CMC1: variants seen among roughly 807,000 people sequenced by gnomAD.
CMC1 encodes the protein C-X9-C motif containing 1, also known as COX assembly mitochondrial protein homolog.
A neutral mutation model predicts 14.1 loss-of-function variants in CMC1; 14 were observed. The ratio of observed to expected loss-of-function variants is 0.99; its 90% CI spans 0.66 to 1.55. CMC1 has a LOEUF of 1.55. Ranked by LOEUF, CMC1 falls within the 40% of genes most tolerant of loss-of-function variation. The pLI, the probability that CMC1 is intolerant of heterozygous loss-of-function variation, is 0.00. For missense variants in CMC1, 127 were observed against 123.8 expected (o/e 1.03, Z -0.12); for synonymous variants, 50 against 38.4 (o/e 1.30, Z -1.12).
chr3:28,287,426 A>G (rs1701241892), intron 2 of CMC1, among the ~76,000 whole-genome samples: 1 of 152,178 alleles, frequency 6.6e-6, no homozygotes, highest in South Asian at 2.1e-4. Context: ...CTACTTTGTA[A>G]TTGCAGAGTT....
chr3:28,307,248 A>G (rs1033720452), intron 2 of CMC1, among the ~76,000 whole-genome samples: 4 of 152,188 alleles, frequency 2.6e-5, no homozygotes, highest in African/African-American at 7.2e-5. Context: ...GGATGAGAAT[A>G]CTATATTTCC....
At chr3:28,264,475 T>C (rs1034179699) in intron 2 of CMC1, among the ~76,000 whole-genome samples, 1 of 152,218 alleles carries the variant, frequency 6.6e-6, no homozygotes, top group Non-Finnish European at 1.5e-5. Flanking sequence ...AATAACTTAT[T>C]ATGACCTATT....
chr3:28,250,697 G>A lies in CMC1; in HGVS notation c.19+8885G>A, dbSNP rs111615765. On this transcript the variant is annotated intron_variant, in intron 1 of 3. Coordinates refer to ENST00000466830, the MANE Select transcript of CMC1 (RefSeq NM_182523.2). ...AATTTAAGTTGGAATTGAGCTGCTG[G>A]TGGGACTTAGAAACCACCAGTAGAT... Among the ~76,000 whole-genome samples the A allele has an allele frequency of 4.2e-3, 639 of 152,280 alleles. 9 individuals are homozygous for A. Among genetic ancestry groups the A allele is most frequent in the African/African-American group, 0.015 (617 of 41,548 alleles).
chr3:28,302,468 T>C (rs543551362), intron 2 of CMC1, among the ~76,000 whole-genome samples: 1 of 152,286 alleles, frequency 6.6e-6, no homozygotes, highest in Admixed American at 6.5e-5. Context: ...GAATCTTCTA[T>C]GTGATCTTTT....
At chr3:28,267,124 A>G (rs1305993117) in intron 2 of CMC1, among the ~76,000 whole-genome samples, 1 of 152,154 alleles carries the variant, frequency 6.6e-6, no homozygotes, top group East Asian at 1.9e-4. Context: ...GTCTTTTTCT[A>G]GCTGTTTGAC....
chr3:28,292,454 G>A (rs1001048332), intron 2 of CMC1, among the ~76,000 whole-genome samples: 2 of 151,996 alleles, frequency 1.3e-5, no homozygotes, highest in African/African-American at 2.4e-5. Context: ...GCTAGGTAAA[G>A]CTTTTTCAAT....
intron 2 of CMC1, among the ~76,000 whole-genome samples, chr3:28,295,619 A>G (rs1032636113): frequency 2.0e-5 from 3 of 152,086 alleles, no homozygotes; most frequent in African/African-American, 4.8e-5. Flanking sequence ...ATACTGCTCA[A>G]TACTCCTTTT....
intron 2 of CMC1, among the ~76,000 whole-genome samples, chr3:28,287,874 A>T (rs1296750688): frequency 6.6e-6 from 1 of 152,004 alleles, no homozygotes; most frequent in East Asian, 1.9e-4. Context: ...ATTTCAATGT[A>T]TATTAAAATA....
chr3:28,319,241 C>G (rs1319162606), intron 3 of CMC1: 2 of 500,932 alleles, frequency 4.0e-6, no homozygotes, highest in Non-Finnish European at 7.8e-6. Flanking sequence ...TTAATCCAGT[C>G]TTTACTTGTC....
At chr3:28,267,685 C>G (rs1041183957) in intron 2 of CMC1, among the ~76,000 whole-genome samples, 1 of 152,172 alleles carries the variant, frequency 6.6e-6, no homozygotes. Flanking sequence ...ATAAAATGCG[C>G]TCTTCTGTCA....
intron 2 of CMC1, among the ~76,000 whole-genome samples, chr3:28,282,298 C>T (rs1001249564): frequency 3.9e-5 from 6 of 152,160 alleles, no homozygotes; most frequent in Non-Finnish European, 7.3e-5. Context: ...ACTAAAGAGA[C>T]GTCCCTATCT....
intron 1 of CMC1, among the ~76,000 whole-genome samples, chr3:28,258,459 A>T (rs1293751688): frequency 6.7e-6 from 1 of 148,470 alleles, no homozygotes; most frequent in African/African-American, 2.5e-5. Flanking sequence ...TTTTGTGGTT[A>T]CTGTGAAGTA....
At chr3:28,278,500 T>C (rs1235827188) in intron 2 of CMC1, among the ~76,000 whole-genome samples, 1 of 152,224 alleles carries the variant, frequency 6.6e-6, no homozygotes, top group Non-Finnish European at 1.5e-5. Flanking sequence ...GTTAGTGAAC[T>C]ATCAGTAACA....
intron 1 of CMC1, among the ~76,000 whole-genome samples, chr3:28,261,129 G>A (rs1293075531): frequency 6.6e-6 from 1 of 151,272 alleles, no homozygotes; most frequent in Non-Finnish European, 1.5e-5. Context: ...TTAAATATAT[G>A]TTTTTGTAAT....
chr3:28,254,513 T>C (rs1326799388), intron 1 of CMC1, among the ~76,000 whole-genome samples: 1 of 152,200 alleles, frequency 6.6e-6, no homozygotes, highest in African/African-American at 2.4e-5. Flanking sequence ...AAGGATCAGA[T>C]GTCTTGACAA....
intron 2 of CMC1, among the ~76,000 whole-genome samples, chr3:28,295,248 G>A (rs1701678499): frequency 1.3e-5 from 2 of 152,134 alleles, no homozygotes; most frequent in South Asian, 4.1e-4. Context: ...TTTTACATTA[G>A]CGTTAGTAGC....
At chr3:28,271,197 T>C (rs1276756420) in intron 2 of CMC1, among the ~76,000 whole-genome samples, 2 of 152,062 alleles carry the variant, frequency 1.3e-5, no homozygotes, top group African/African-American at 4.8e-5. Context: ...GCCTCCTGGG[T>C]TCCAGTGATT....
chr3:28,259,855 A>T (rs1416540285), intron 1 of CMC1, among the ~76,000 whole-genome samples: 1 of 96,618 alleles, frequency 1.0e-5, no homozygotes, highest in Non-Finnish European at 2.6e-5. Flanking sequence ...ACGTGTACTC[A>T]TATGTGTGTG....
intron 2 of CMC1, among the ~76,000 whole-genome samples, chr3:28,269,938 A>G (rs574059600): frequency 1.3e-5 from 2 of 152,138 alleles, no homozygotes; most frequent in South Asian, 2.1e-4. Context: ...CCCTGCCCCC[A>G]ACAGACCCCA....
Sources: allele counts gnomAD v4.1 joint callset (sites outside exome capture counted in the v4.1 genomes callset), GRCh38; gene constraint gnomAD v4.1.1; transcripts MANE v1.5; gene names NCBI Gene and HGNC (gene_info 2026-07-23, HGNC 2026-07-21).